Variants in DIP2C observed in about 807,000 individuals in gnomAD.
DIP2C encodes disco-interacting protein 2 homolog C.
A neutral mutation model predicts 192.4 loss-of-function variants in DIP2C; 33 were observed. That is an observed-to-expected ratio of 0.17 (90% CI 0.13 to 0.23). The LOEUF is 0.23. DIP2C is among the 10% of genes least tolerant of loss of function. The pLI, the probability that DIP2C is intolerant of heterozygous loss-of-function variation, is 1.00. For missense variants in DIP2C, 1,537 were observed against 2,110.1 expected, an observed-to-expected ratio of 0.73 and a Z score of 5.32; for synonymous variants, 979 against 864.1, an observed-to-expected ratio of 1.13 and a Z score of -2.33.
At position 286,382 on chromosome 10, in the gene DIP2C, A is replaced by C. The variant is rs746546838; in HGVS notation, c.4045-35T>G. The C allele has an allele frequency of 8.2e-6, 13 of 1,586,712 alleles. 1 individual carries two copies. The South Asian group carries it at 1.3e-4, about 16-fold the overall frequency. ...AGAGGAAAAGTCTCTTGTCAATGGG[A>C]GGAATACAGGGAGAGACTACACACA... On this transcript the variant is annotated intron_variant, in intron 33 of 36. Transcript: ENST00000280886.
intron 31 of DIP2C, among the ~76,000 whole-genome samples, chr10:320,188 A>C (rs1956945042): frequency 6.6e-6 from 1 of 152,218 alleles, no homozygotes; most frequent in Non-Finnish European, 1.5e-5. Flanking sequence ...ACTAGACTCT[A>C]GTCAAGTAAG....
intron 1 of DIP2C, among the ~76,000 whole-genome samples, chr10:577,127 C>A (rs571869046): frequency 1.4e-4 from 21 of 152,154 alleles, no homozygotes; most frequent in Non-Finnish European, 2.6e-4. Context: ...GCAGATATTC[C>A]ATAAATGAGT....
intron 1 of DIP2C, among the ~76,000 whole-genome samples, chr10:545,391 G>A (rs1178331842): frequency 6.6e-6 from 1 of 151,976 alleles, no homozygotes; most frequent in African/African-American, 2.4e-5. Flanking sequence ...CCTGACCTCA[G>A]GTGATCCACC....
At chr10:604,306 CCCA>C (rs1852315864) in intron 1 of DIP2C, among the ~76,000 whole-genome samples, 1 of 152,178 alleles carries the variant, frequency 6.6e-6, no homozygotes, top group African/African-American at 2.4e-5. Flanking sequence ...ACATCAGTCA[CCCA>C]TGCAACCTAT....
At chr10:472,623 C>A in intron 2 of DIP2C, 74 bp from the exon 3 acceptor site, 7 of 1,297,840 alleles carry the variant, frequency 5.4e-6, no homozygotes, top group East Asian at 2.3e-5. Flanking sequence ...ACAAATCATG[C>A]CCTCCATCCC....
chr10:672,089 G>C (rs1467529344), intron 1 of DIP2C, among the ~76,000 whole-genome samples: 1 of 147,712 alleles, frequency 6.8e-6, no homozygotes, highest in East Asian at 2.1e-4. Context: ...ACGCACGGAC[G>C]GAGTAAACAG....
intron 3 of DIP2C, among the ~76,000 whole-genome samples, chr10:441,321 A>C (rs1262912811): frequency 6.6e-6 from 1 of 152,042 alleles, no homozygotes; most frequent in South Asian, 2.1e-4. Flanking sequence ...CGAGCCTCCA[A>C]ATCCTTTCAC....
chr10:371,964 CT>C (rs1465856456), intron 17 of DIP2C, among the ~76,000 whole-genome samples: 3 of 152,090 alleles, frequency 2.0e-5, no homozygotes, highest in Non-Finnish European at 4.4e-5. Flanking sequence ...AAATGCTAGG[CT>C]AGCCAAGATT....
chr10:457,338 TAA>T (rs1969386328), intron 3 of DIP2C, among the ~76,000 whole-genome samples: 1 of 151,990 alleles, frequency 6.6e-6, no homozygotes, highest in African/African-American at 2.4e-5. Context: ...TGACTTAATA[TAA>T]AGATTTTAGT....
intron 1 of DIP2C, among the ~76,000 whole-genome samples, chr10:499,181 CCTT>C (rs1845056074): frequency 1.3e-5 from 2 of 152,186 alleles, no homozygotes; most frequent in African/African-American, 2.4e-5. Flanking sequence ...CTGACTGACT[CCTT>C]GTCAGCATTG....
chr10:480,836 C>T (rs1420560630), intron 2 of DIP2C, among the ~76,000 whole-genome samples: 1 of 152,234 alleles, frequency 6.6e-6, no homozygotes, highest in African/African-American at 2.4e-5. Flanking sequence ...CACGGCTGAT[C>T]TGGAACACAG....
intron 32 of DIP2C, among the ~76,000 whole-genome samples, chr10:291,021 A>G (rs1484338035): frequency 6.6e-6 from 1 of 151,436 alleles, no homozygotes; most frequent in Non-Finnish European, 1.5e-5. Context: ...TCTGCCAGGC[A>G]GGGCCCAGGC....
intron 1 of DIP2C, among the ~76,000 whole-genome samples, chr10:660,428 T>C (rs529647015): frequency 1.1e-4 from 15 of 140,380 alleles, no homozygotes; most frequent in Non-Finnish European, 1.8e-4. Context: ...GTGTATGAAA[T>C]GGAGATTCCA....
chr10:418,190 A>G (rs1376244238), intron 6 of DIP2C, among the ~76,000 whole-genome samples: 2 of 71,202 alleles, frequency 2.8e-5, no homozygotes, highest in Non-Finnish European at 5.1e-5. Context: ...TGCACCTGTC[A>G]GGGCGCGGAC....
At chr10:285,463 G>C (rs372389272) in intron 34 of DIP2C, among the ~76,000 whole-genome samples, 2 of 152,238 alleles carry the variant, frequency 1.3e-5, no homozygotes, top group Non-Finnish European at 2.9e-5. Flanking sequence ...CCAACGGCAC[G>C]GCAGGCCGGG....
At chr10:619,739 C>T (rs2131829944) in intron 1 of DIP2C, among the ~76,000 whole-genome samples, 1 of 152,290 alleles carries the variant, frequency 6.6e-6, no homozygotes, top group Non-Finnish European at 1.5e-5. Context: ...CTCCATGGCC[C>T]AGCAGAGCCC....
chr10:670,661 CATTAG>C (rs1489573275), intron 1 of DIP2C, among the ~76,000 whole-genome samples: 2 of 152,174 alleles, frequency 1.3e-5, no homozygotes, highest in South Asian at 2.1e-4. Flanking sequence ...ATTCTCTAAT[CATTAG>C]ATTATTTTCA....
At chr10:400,589 G>A (rs1297016279) in intron 9 of DIP2C, among the ~76,000 whole-genome samples, 1 of 151,600 alleles carries the variant, frequency 6.6e-6, no homozygotes, top group Admixed American at 6.6e-5. Flanking sequence ...TCTTCCTTAT[G>A]GACAAGTTTG....
intron 1 of DIP2C, among the ~76,000 whole-genome samples, chr10:491,505 G>C (rs751993056): frequency 1.3e-5 from 2 of 152,184 alleles, no homozygotes; most frequent in Non-Finnish European, 2.9e-5. Flanking sequence ...CTGCAGACCG[G>C]TGACAGCTCC....
Sources: allele counts gnomAD v4.1 joint callset (sites outside exome capture counted in the v4.1 genomes callset), GRCh38; gene constraint gnomAD v4.1.1; transcripts MANE v1.5; gene names NCBI Gene and HGNC (gene_info 2026-07-23, HGNC 2026-07-21).